ACTR1A: variants seen among roughly 807,000 people sequenced by gnomAD.
ACTR1A encodes the protein actin related protein 1A.
Under a neutral mutation model 50.7 loss-of-function variants are expected in ACTR1A, and 10 were observed. The ratio of observed to expected loss-of-function variants is 0.20; its 90% CI spans 0.12 to 0.33. The LOEUF (loss-of-function observed/expected upper bound fraction) is 0.33, where lower values mean the gene tolerates loss of function less well. Among genes scored for constraint, ACTR1A ranks in the 10% least tolerant of loss-of-function variants. The probability of loss-of-function intolerance (pLI) is 1.00; values close to 1 mark genes in which losing one functional copy is unlikely to be tolerated. For synonymous variants in ACTR1A, 177 were observed against 184.2 expected, an observed-to-expected ratio of 0.96 and a Z score of 0.32; for missense variants, 253 against 491.7, an observed-to-expected ratio of 0.51 and a Z score of 4.59.
intron 9 of ACTR1A, 89 bp from the exon 10 acceptor site, chr10:102,481,261 G>A: frequency 7.2e-7 from 1 of 1,393,870 alleles, no homozygotes; most frequent in African/African-American, 1.4e-5. Context: ...CATGGCAGGG[G>A]ATACATTTTA....
intron 1 of ACTR1A, among the ~76,000 whole-genome samples, chr10:102,496,520 T>C (rs919411182): frequency 5.3e-5 from 8 of 152,252 alleles, no homozygotes; most frequent in Non-Finnish European, 8.8e-5. Flanking sequence ...GTGAAGCACA[T>C]CCTTGGCTTG....
At position 102,479,908 on chromosome 10, in the gene ACTR1A, CT is replaced by C. The variant is rs2062129800; in HGVS notation, c.*954del. ...GGGAGAAAGAGCCTGGTGGGAGTGT[CT>C]TTGAGTGTAGCTTCCAATCTCAAAT... is the stretch of plus-strand genomic sequence containing the variant. On this transcript the variant is annotated 3_prime_UTR_variant, in exon 11 of 11. Transcript: ENST00000369905. The surrounding 1 kb of genome is among the most constrained non-coding windows in gnomAD (Gnocchi z 4.0). 2 of 314,658 alleles carry C rather than the reference CT, an allele frequency of 6.4e-6. No homozygotes were observed. The highest frequency in any genetic ancestry group is 1.6e-4 in the East Asian group (2 of 12,600). The allele number at this position is 314,658 out of a possible 1,614,324, so 19.5% of individuals were successfully genotyped here. A position where few individuals can be genotyped will look rare whatever the true frequency, so the allele number is the denominator to read the frequency against.
chr10:102,493,457 T>C (rs2062205389), intron 1 of ACTR1A, among the ~76,000 whole-genome samples: 1 of 152,226 alleles, frequency 6.6e-6, no homozygotes. Flanking sequence ...ATTTTTAGTT[T>C]ACTAGCAAAA....
At chr10:102,501,405 T>C (rs2062250886) in intron 1 of ACTR1A, among the ~76,000 whole-genome samples, 1 of 152,238 alleles carries the variant, frequency 6.6e-6, no homozygotes, top group African/African-American at 2.4e-5. Flanking sequence ...AAAGGGAATC[T>C]GACAGAGTCA....
Position 102,484,214 on chromosome 10 carries a change from C to G in ACTR1A, c.603G>C (p.Glu201Asp). ...SRFLRLYLRK[E>D]GYDFHSSSEF... ...CAGAGGATGAGTGGAAGTCGTAGCCCTCCTTACGCAGGTAGAGGCGCAGGA... is the reference window on the plus strand; with the variant it reads ...CAGAGGATGAGTGGAAGTCGTAGCCGTCCTTACGCAGGTAGAGGCGCAGGA... Residue 201 changes from glutamate (E) to aspartate (D), a missense_variant, in exon 6 of 11, where the codon GAG becomes GAC. Around this residue, in one of 4 missense-constraint regions of ACTR1A, gnomAD observed 116 missense variants for 155.9 expected, o/e 0.74. Coordinates refer to ENST00000369905, the MANE Select transcript of ACTR1A (RefSeq NM_005736.4). 1 of 1,614,222 alleles carries G rather than the reference C, an allele frequency of 6.2e-7. No individual in the cohort carries two copies. The highest frequency in any genetic ancestry group is 1.7e-5 in the Admixed American group (1 of 60,032).
chr10:102,491,925 C>A (rs1372815025), intron 1 of ACTR1A, among the ~76,000 whole-genome samples: 2 of 145,750 alleles, frequency 1.4e-5, no homozygotes, highest in Non-Finnish European at 3.0e-5. Flanking sequence ...ACCAGCATGC[C>A]TGGCTAATTT....
intron 1 of ACTR1A, among the ~76,000 whole-genome samples, chr10:102,497,714 A>G (rs1022143907): frequency 1.3e-5 from 2 of 152,070 alleles, no homozygotes; most frequent in Non-Finnish European, 1.5e-5. Flanking sequence ...GAACAACACA[A>G]TTCTCCTGAC....
rs549416546 is a variant in ACTR1A, at chr10:102,482,949, C to G, written c.750+62G>C. 3.3e-5 allele frequency: 45 copies of G among 1,370,822 alleles called. No homozygotes were observed. In the African/African-American group the frequency reaches 5.0e-4, roughly 15 times the overall value. 84.9% of individuals were successfully genotyped at this position (1,370,822 alleles called of 1,614,324 possible). On this transcript the variant is annotated intron_variant, in intron 7 of 10. Transcript: ENST00000369905. This position sits in a 1 kb window ranked among gnomAD's most constrained non-coding sequence, Gnocchi z 5.6. Reference sequence around the variant, plus strand: ...AGACTCCAGACCCTGATGGAGAATTCTGGTTGGGCCCAGAGCTTTTGTGGA... The same window carrying G: ...AGACTCCAGACCCTGATGGAGAATTGTGGTTGGGCCCAGAGCTTTTGTGGA...
rs1360856627 is a variant in ACTR1A, at chr10:102,479,304, G to A, written c.*1559C>T. 4.7e-6 allele frequency: 2 copies of A among 429,852 alleles called. No homozygotes were observed. Among genetic ancestry groups the A allele is most frequent in the Non-Finnish European group, 8.5e-6 (2 of 236,342 alleles). The allele number at this position is 429,852 out of a possible 1,614,324, so 26.6% of individuals were successfully genotyped here. The stretch of plus-strand genomic sequence containing the variant: ...CAATGTGGTTTGTGCGAGGCTGTGC[G>A]AGGGACAGGCTTGGGCTAAGAGAAG... On this transcript the variant is annotated 3_prime_UTR_variant, in exon 11 of 11. Coordinates refer to ENST00000369905, the MANE Select transcript of ACTR1A (RefSeq NM_005736.4). This position sits in a 1 kb window ranked among gnomAD's most constrained non-coding sequence, Gnocchi z 4.0.
chr10:102,492,634 T>C (rs566380431), intron 1 of ACTR1A, among the ~76,000 whole-genome samples: 2 of 152,314 alleles, frequency 1.3e-5, no homozygotes, highest in South Asian at 4.1e-4. Context: ...CCTGCTCTTC[T>C]GCAGGAAGAG....
Position 102,479,257 on chromosome 10 carries a change from C to G in ACTR1A, c.*1606G>C, listed in dbSNP as rs955672890. ...CGTGTCTATCGGAACGACTTTATTT[C>G]AGTACACTGGGCCCCACCAGGCAAT... On this transcript the variant is annotated 3_prime_UTR_variant, in exon 11 of 11. Transcript: ENST00000369905. This position sits in a 1 kb window ranked among gnomAD's most constrained non-coding sequence, Gnocchi z 4.0. 1.7e-6 allele frequency: 1 copy of G among 602,300 alleles called. No homozygotes were observed. Among genetic ancestry groups the G allele is most frequent in the Non-Finnish European group, 2.6e-6 (1 of 378,460 alleles). The allele number at this position is 602,300 out of a possible 1,614,324, so 37.3% of individuals were successfully genotyped here.
intron 1 of ACTR1A, among the ~76,000 whole-genome samples, chr10:102,492,698 G>A (rs905409516): frequency 7.2e-5 from 11 of 152,140 alleles, no homozygotes; most frequent in African/African-American, 2.7e-4. Context: ...GAGGTTGGTG[G>A]AGGAAGCAAG....
Position 102,482,946 on chromosome 10 carries a change from A to T in ACTR1A, c.750+65T>A. 1 of 1,343,738 alleles carries T rather than the reference A, an allele frequency of 7.4e-7. No individual in the cohort carries two copies. Among genetic ancestry groups the T allele is most frequent in the South Asian group, 1.2e-5 (1 of 85,546 alleles). The allele number at this position is 1,343,738 out of a possible 1,614,324, so 83.2% of individuals were successfully genotyped here. ...GCCAGACTCCAGACCCTGATGGAGAATTCTGGTTGGGCCCAGAGCTTTTGT... is the reference window on the plus strand; with the variant it reads ...GCCAGACTCCAGACCCTGATGGAGATTTCTGGTTGGGCCCAGAGCTTTTGT... On this transcript the variant is annotated intron_variant, in intron 7 of 10. Transcript: ENST00000369905. The surrounding 1 kb of genome is among the most constrained non-coding windows in gnomAD (Gnocchi z 5.6).
At chr10:102,483,224 C>T (rs961200546) in intron 6 of ACTR1A, 121 bp from the exon 7 acceptor site, 2 of 794,102 alleles carry the variant, frequency 2.5e-6, no homozygotes, top group Non-Finnish European at 4.4e-6. Context: ...CCCCAATGGT[C>T]ACTATAGCTG....
intron 1 of ACTR1A, among the ~76,000 whole-genome samples, chr10:102,494,823 T>C (rs538752605): frequency 1.3e-5 from 2 of 152,286 alleles, no homozygotes; most frequent in South Asian, 2.1e-4. Context: ...TTAATTTTAA[T>C]TTTTTTGAGA....
chr10:102,495,146 G>A (rs1337747138), intron 1 of ACTR1A, among the ~76,000 whole-genome samples: 4 of 151,646 alleles, frequency 2.6e-5, no homozygotes, highest in Admixed American at 2.0e-4. Context: ...GTGTGGTGGT[G>A]CGGGTCCATA....
At chr10:102,492,745 T>C (rs2135586325) in intron 1 of ACTR1A, among the ~76,000 whole-genome samples, 1 of 152,146 alleles carries the variant, frequency 6.6e-6, no homozygotes, top group African/African-American at 2.4e-5. Context: ...CTCACGCCTG[T>C]AATCCCAGCA....
chr10:102,487,823 G>C (rs1020407143), intron 4 of ACTR1A, among the ~76,000 whole-genome samples: 5 of 151,926 alleles, frequency 3.3e-5, no homozygotes, highest in African/African-American at 1.2e-4. Flanking sequence ...AGTGGAGACA[G>C]GGTTTCACCG....
chr10:102,498,710 C>T (rs575006951), intron 1 of ACTR1A, among the ~76,000 whole-genome samples: 5 of 151,750 alleles, frequency 3.3e-5, no homozygotes, highest in African/African-American at 7.3e-5. Flanking sequence ...TGGGCTCAAA[C>T]GATCTTCCAG....
Sources: gnomAD v4.1 joint callset for allele counts (sites outside exome capture counted in the v4.1 genomes callset) on GRCh38, gnomAD v4.1.1 for gene constraint, gnomAD v4.1.1 regional missense constraint, Gnocchi (gnomAD v3.1) non-coding constraint, MANE v1.5 for transcripts, NCBI Gene and HGNC (gene_info 2026-07-23, HGNC 2026-07-21) for gene names.